The following CHL1 variants were observed in gnomAD, a reference collection of about 807,000 sequenced individuals.
The protein encoded by CHL1 is cell adhesion molecule L1 like, also known as neural cell adhesion molecule L1-like protein.
CHL1 carries 96 observed loss-of-function variants against 141.9 expected under a neutral mutation model. The ratio of observed to expected loss-of-function variants is 0.68; its 90% CI spans 0.57 to 0.80. CHL1 has a LOEUF of 0.80. Among genes scored for constraint, CHL1 ranks in the 30% least tolerant of loss-of-function variants. The pLI, the probability that CHL1 is intolerant of heterozygous loss-of-function variation, is 0.00. For synonymous variants in CHL1, 613 were observed against 502.2 expected (o/e 1.22, Z -2.95); for missense variants, 1,820 against 1,457.2 (o/e 1.25, Z -4.05).
intron 1 of CHL1, among the ~76,000 whole-genome samples, chr3:244,186 C>T (rs906311310): frequency 6.6e-6 from 1 of 152,152 alleles, no homozygotes; most frequent in South Asian, 2.1e-4. Flanking sequence ...AAGCTCTCCT[C>T]GTTTTGGTCC....
chr3:209,999 TG>T (rs1330209547), intron 1 of CHL1, among the ~76,000 whole-genome samples: 1 of 152,218 alleles, frequency 6.6e-6, no homozygotes, highest in East Asian at 1.9e-4. Context: ...TCATTTGTTT[TG>T]TTTAATTGTG....
rs773215059 is a variant in CHL1, at chr3:367,328, C to T, written c.1751+1213C>T. ...AAATGTTTAGATAGGACATGTGCTGCTTGCATGAGACAGCAACACTGCCAT... is the reference window on the plus strand; with the variant it reads ...AAATGTTTAGATAGGACATGTGCTGTTTGCATGAGACAGCAACACTGCCAT... On this transcript the variant is annotated intron_variant, in intron 15 of 27. Coordinates refer to ENST00000256509, the MANE Select transcript of CHL1 (RefSeq NM_006614.4). 5.7e-4 allele frequency among the ~76,000 whole-genome samples: 86 copies of T among 152,184 alleles called. 2 individuals carry two copies. The highest frequency in any genetic ancestry group is 1.8e-4 in the Non-Finnish European group (12 of 68,034).
intron 10 of CHL1, among the ~76,000 whole-genome samples, chr3:353,811 G>A (rs1314034061): frequency 6.6e-6 from 1 of 152,114 alleles, no homozygotes; most frequent in African/African-American, 2.4e-5. Context: ...GCTACCTGCA[G>A]GTTTTGTGCA....
At chr3:201,669 C>T (rs1182175977) in intron 1 of CHL1, among the ~76,000 whole-genome samples, 2 of 152,132 alleles carry the variant, frequency 1.3e-5, no homozygotes, top group African/African-American at 4.8e-5. Flanking sequence ...TCAAATGATG[C>T]TGGCAGATGA....
intron 1 of CHL1, among the ~76,000 whole-genome samples, chr3:233,895 GATATATTA>G (rs1407993343): frequency 6.6e-6 from 1 of 152,004 alleles, no homozygotes; most frequent in East Asian, 1.9e-4. Flanking sequence ...GGTAGTTGGT[GATATATTA>G]ATATGTTTAA....
At chr3:238,173 T>C (rs930700230) in intron 1 of CHL1, among the ~76,000 whole-genome samples, 2 of 152,282 alleles carry the variant, frequency 1.3e-5, no homozygotes, top group Non-Finnish European at 1.5e-5. Flanking sequence ...CAAATTTGTA[T>C]TGAGTATTTT....
At chr3:404,785 C>T (rs1709403047) in intron 27 of CHL1, among the ~76,000 whole-genome samples, 1 of 152,126 alleles carries the variant, frequency 6.6e-6, no homozygotes, top group African/African-American at 2.4e-5. Context: ...AAGTTCATGA[C>T]AGCAAGGGAA....
intron 14 of CHL1, among the ~76,000 whole-genome samples, chr3:365,593 C>T (rs1704771092): frequency 6.6e-6 from 1 of 152,188 alleles, no homozygotes. Flanking sequence ...AATATCTTTC[C>T]CTTTTCCTTT....
intron 2 of CHL1, among the ~76,000 whole-genome samples, chr3:255,317 C>G (rs1250520068): frequency 6.6e-6 from 1 of 152,184 alleles, no homozygotes; most frequent in Non-Finnish European, 1.5e-5. Flanking sequence ...TCAAAGGCAA[C>G]AGGGAAGACT....
At position 337,553 on chromosome 3, in the gene CHL1, C is replaced by T. The variant is rs559831207; in HGVS notation, c.386-3241C>T. On this transcript the variant is annotated intron_variant, in intron 5 of 27. Transcript: ENST00000256509. ...CACAACAGGCCCCGGTGTGTGATGTCCCCCTTCCTATGTCCAAGTGTTCTC... is the reference window on the plus strand; with the variant it reads ...CACAACAGGCCCCGGTGTGTGATGTTCCCCTTCCTATGTCCAAGTGTTCTC... Among the ~76,000 whole-genome samples the T allele has an allele frequency of 2.0e-3, 288 of 147,442 alleles. 1 individual carries two copies. Among genetic ancestry groups the T allele is most frequent in the Middle Eastern group, 0.01 (3 of 286 alleles).
chr3:239,776 C>G (rs1028835022), intron 1 of CHL1, among the ~76,000 whole-genome samples: 1 of 151,842 alleles, frequency 6.6e-6, no homozygotes. Context: ...TCCCCCAAGT[C>G]CCCAAAGTCA....
intron 2 of CHL1, among the ~76,000 whole-genome samples, chr3:289,850 A>T (rs1697513072): frequency 6.6e-6 from 1 of 151,034 alleles, no homozygotes. Flanking sequence ...ATTGATGCTC[A>T]TGTGCTTTCG....
At chr3:300,279 A>T (rs1698606101) in intron 2 of CHL1, among the ~76,000 whole-genome samples, 1 of 152,078 alleles carries the variant, frequency 6.6e-6, no homozygotes, top group Admixed American at 6.6e-5. Context: ...AAAATAAATG[A>T]ACCTTTGGAT....
intron 24 of CHL1, among the ~76,000 whole-genome samples, chr3:395,935 GTGAC>G (rs1708631989): frequency 1.3e-5 from 2 of 152,148 alleles, no homozygotes; most frequent in African/African-American, 4.8e-5. Flanking sequence ...AAGCTTGTGA[GTGAC>G]TGTAAATCAC....
intron 18 of CHL1, among the ~76,000 whole-genome samples, chr3:382,962 T>C (rs1465940544): frequency 6.6e-6 from 1 of 152,206 alleles, no homozygotes; most frequent in Non-Finnish European, 1.5e-5. Context: ...ATCAAGTAAG[T>C]TCTAAATTAA....
intron 2 of CHL1, among the ~76,000 whole-genome samples, chr3:269,148 G>A (rs560729516): frequency 6.6e-6 from 1 of 152,190 alleles, no homozygotes; most frequent in Admixed American, 6.5e-5. Context: ...TCAACCAGCT[G>A]CTCGGCTTGT....
At chr3:222,759 CA>C (rs1406647164) in intron 1 of CHL1, among the ~76,000 whole-genome samples, 2 of 151,986 alleles carry the variant, frequency 1.3e-5, no homozygotes, top group East Asian at 3.9e-4. Context: ...TTGGTGGATC[CA>C]TCCTATTTTT....
At chr3:389,231 G>A (rs1417166095) in intron 19 of CHL1, 21 bp from the exon 20 acceptor site, 1 of 1,563,858 alleles carries the variant, frequency 6.4e-7, no homozygotes, top group Middle Eastern at 1.9e-4. Flanking sequence ...CAGACTAAAT[G>A]AGTCTTGCCT....
Position 337,652 on chromosome 3 carries a change from T to C in CHL1, c.386-3142T>C, listed in dbSNP as rs138160665. 3.5e-3 allele frequency among the ~76,000 whole-genome samples: 539 copies of C among 152,234 alleles called. 4 individuals carry two copies. Among genetic ancestry groups the C allele is most frequent in the African/African-American group, 0.012 (502 of 41,528 alleles). ...TGTCCTTGCGATAATTTGCTGATAA[T>C]GATGGTTTTCAGCTTCAACCATGTC... On this transcript the variant is annotated intron_variant, in intron 5 of 27. Coordinates refer to ENST00000256509, the MANE Select transcript of CHL1 (RefSeq NM_006614.4).
Sources: allele counts gnomAD v4.1 joint callset (sites outside exome capture counted in the v4.1 genomes callset), GRCh38; gene constraint gnomAD v4.1.1; transcripts MANE v1.5; gene names NCBI Gene and HGNC (gene_info 2026-07-23, HGNC 2026-07-21).